Variants in TBC1D9 observed in about 807,000 individuals in gnomAD.
The protein encoded by TBC1D9 is TBC1 domain family member 9.
A neutral mutation model predicts 132.0 loss-of-function variants in TBC1D9; 63 were observed. That is an observed-to-expected ratio of 0.48 (90% CI 0.39 to 0.59). The LOEUF (loss-of-function observed/expected upper bound fraction) is 0.59, where lower values mean the gene tolerates loss of function less well. Ranked by LOEUF, TBC1D9 falls within the 20% of genes least tolerant of loss-of-function variation. The pLI, the probability that TBC1D9 is intolerant of heterozygous loss-of-function variation, is 0.00. For missense variants in TBC1D9, 1,261 were observed against 1,592.7 expected, an observed-to-expected ratio of 0.79 and a Z score of 3.54; for synonymous variants, 610 against 609.9, an observed-to-expected ratio of 1.00 and a Z score of 0.00.
At chr4:140,751,462 G>A (rs1738922263) in intron 1 of TBC1D9, among the ~76,000 whole-genome samples, 1 of 152,120 alleles carries the variant, frequency 6.6e-6, no homozygotes, top group South Asian at 2.1e-4. Context: ...ATGTTAAGGT[G>A]GGGGTTAAAA....
chr4:140,625,267 A>T (rs6858164), intron 18 of TBC1D9, among the ~76,000 whole-genome samples: 35,491 of 150,938 alleles, frequency 0.24, 5,644 homozygotes, highest in African/African-American at 0.46. Context: ...AAGAGAGAAA[A>T]TTTTTTTTTT....
intron 1 of TBC1D9, among the ~76,000 whole-genome samples, chr4:140,741,244 G>T (rs1738753436): frequency 6.6e-6 from 1 of 152,148 alleles, no homozygotes; most frequent in Admixed American, 6.5e-5. Flanking sequence ...AGGCCCTAAA[G>T]AAAGAAATTG....
In TBC1D9 at chr4:140,657,592, C is replaced by T; in HGVS notation, c.2142G>A (p.Leu714=). Residue 714 remains leucine, a synonymous_variant, in exon 12 of 21, where the codon CTG becomes CTA. Coordinates refer to ENST00000442267, the MANE Select transcript of TBC1D9 (RefSeq NM_015130.3). ...TCAACAGTTTGTCCACATTTGCATC[C>T]AGCACAGCTAGGGCCAACTGGAATA... The part of the protein sequence containing the change: ...KVIFQLALAV[L]DANVDKLLNC... 1 of 1,613,990 alleles carries T rather than the reference C, an allele frequency of 6.2e-7. No homozygotes were observed. Among genetic ancestry groups the T allele is most frequent in the Non-Finnish European group, 8.5e-7 (1 of 1,179,898 alleles).
chr4:140,678,116 T>A (rs1005142680), intron 5 of TBC1D9, among the ~76,000 whole-genome samples: 8 of 152,234 alleles, frequency 5.3e-5, no homozygotes, highest in African/African-American at 1.9e-4. Context: ...ATTTTTTATT[T>A]GATCCGCTGC....
intron 1 of TBC1D9, among the ~76,000 whole-genome samples, chr4:140,720,018 T>G (rs941789594): frequency 5.9e-5 from 9 of 152,308 alleles, no homozygotes; most frequent in South Asian, 4.1e-4. Context: ...GATAATAGTA[T>G]CTTCCTGAGA....
intron 16 of TBC1D9, among the ~76,000 whole-genome samples, chr4:140,630,297 A>G (rs1736771795): frequency 6.6e-6 from 1 of 152,222 alleles, no homozygotes; most frequent in Non-Finnish European, 1.5e-5. Flanking sequence ...ATAATATGCA[A>G]AAACAGCAAT....
intron 13 of TBC1D9, chr4:140,643,908 G>A (rs1301991999): frequency 8.6e-6 from 6 of 699,858 alleles, no homozygotes; most frequent in African/African-American, 1.7e-5. Flanking sequence ...CAACTCCAGA[G>A]GCGGCAGCTC....
chr4:140,680,844 G>C (rs971430313), intron 3 of TBC1D9, among the ~76,000 whole-genome samples: 1 of 152,074 alleles, frequency 6.6e-6, no homozygotes, highest in Middle Eastern at 3.2e-3. Context: ...CATCCTTGAT[G>C]CTCCCTAAAA....
intron 1 of TBC1D9, among the ~76,000 whole-genome samples, chr4:140,750,171 A>AAT (rs1553975806): frequency 6.6e-6 from 1 of 151,620 alleles, no homozygotes; most frequent in Non-Finnish European, 1.5e-5. Flanking sequence ...AAAAAAAAAA[A>AAT]TTTTACAAAA....
intron 13 of TBC1D9, chr4:140,642,466 C>T (rs1395363634): frequency 1.1e-6 from 1 of 943,932 alleles, no homozygotes; most frequent in East Asian, 2.6e-5. Flanking sequence ...CTTGCTGCAG[C>T]CCCTGCCAGT....
At chr4:140,658,074 G>A (rs538222589) in intron 11 of TBC1D9, among the ~76,000 whole-genome samples, 2 of 152,196 alleles carry the variant, frequency 1.3e-5, no homozygotes, top group Non-Finnish European at 2.9e-5. Context: ...GGGTTGTTGA[G>A]AAAGCCAGTT....
intron 1 of TBC1D9, among the ~76,000 whole-genome samples, chr4:140,745,421 G>T (rs1221673932): frequency 6.6e-6 from 1 of 152,066 alleles, no homozygotes; most frequent in African/African-American, 2.4e-5. Context: ...CTCACACAGG[G>T]ATTTTCTTCA....
At chr4:140,697,893 AGG>A (rs1737999457) in intron 2 of TBC1D9, among the ~76,000 whole-genome samples, 1 of 152,098 alleles carries the variant, frequency 6.6e-6, no homozygotes, top group East Asian at 1.9e-4. Flanking sequence ...CCGAGCCTGG[AGG>A]GCTGTAAGGA....
intron 1 of TBC1D9, among the ~76,000 whole-genome samples, chr4:140,748,551 G>T (rs928094260): frequency 6.6e-6 from 1 of 152,144 alleles, no homozygotes; most frequent in African/African-American, 2.4e-5. Context: ...TAAAACTGCA[G>T]AAGACCAAAG....
At position 140,684,240 on chromosome 4, in the gene TBC1D9, TAA is replaced by T. The variant is rs5862494; in HGVS notation, c.360+2102_360+2103del. Among the ~76,000 whole-genome samples, 85 of 130,460 alleles carry T rather than the reference TAA, an allele frequency of 6.5e-4. No homozygotes were observed. The East Asian group carries it at 9.3e-3, about 14-fold the overall frequency. The allele number at this position is 130,460 out of a possible 152,430, so 85.6% of individuals were successfully genotyped here. A position where few individuals can be genotyped will look rare whatever the true frequency, so the allele number is the denominator to read the frequency against. On this transcript the variant is annotated intron_variant, in intron 3 of 20. Transcript: ENST00000442267. ...AATGTAGTGAGTCTCTGTCCCTAAT[TAA>T]AAAAAAAAAAAAAGTTAAGAAAAGG...
intron 3 of TBC1D9, among the ~76,000 whole-genome samples, chr4:140,685,175 CAG>C (rs1223160994): frequency 3.9e-5 from 6 of 151,974 alleles, no homozygotes; most frequent in Middle Eastern, 3.2e-3. Context: ...TAAATCAAGA[CAG>C]AAATTTTGAC....
Position 140,622,186 on chromosome 4 carries a change from G to T in TBC1D9, c.*9C>A, listed in dbSNP as rs1227126829. ...CCTCTCCTCCCACTCCCCCGGGAAG[G>T]CGCCCGTGTCAGCCGGACATGGCCG... On this transcript the variant is annotated 3_prime_UTR_variant, in exon 21 of 21. Coordinates refer to ENST00000442267, the MANE Select transcript of TBC1D9 (RefSeq NM_015130.3). The T allele has an allele frequency of 1.9e-6, 3 of 1,563,036 alleles. No homozygotes were observed. Among genetic ancestry groups the T allele is most frequent in the East Asian group, 2.3e-5 (1 of 43,810 alleles).
At chr4:140,629,318 T>G (rs1358280366) in intron 16 of TBC1D9, among the ~76,000 whole-genome samples, 1 of 152,196 alleles carries the variant, frequency 6.6e-6, no homozygotes, top group Non-Finnish European at 1.5e-5. Flanking sequence ...CCCCTCAAAA[T>G]GCAAAATTTT....
intron 13 of TBC1D9, among the ~76,000 whole-genome samples, chr4:140,646,343 T>A (rs1737103275): frequency 6.6e-6 from 1 of 152,206 alleles, no homozygotes; most frequent in Non-Finnish European, 1.5e-5. Context: ...GCACCTTACC[T>A]TTCTGACTTG....
Sources: gnomAD v4.1 joint callset for allele counts (sites outside exome capture counted in the v4.1 genomes callset) on GRCh38, gnomAD v4.1.1 for gene constraint, MANE v1.5 for transcripts, NCBI Gene and HGNC (gene_info 2026-07-23, HGNC 2026-07-21) for gene names.